The following RPH3A variants were observed in gnomAD, a reference collection of about 807,000 sequenced individuals.
RPH3A encodes the protein rabphilin-3A.
RPH3A carries 48 observed loss-of-function variants against 102.2 expected under a neutral mutation model. That is an observed-to-expected ratio of 0.47 (90% CI 0.37 to 0.60). The LOEUF (loss-of-function observed/expected upper bound fraction) is 0.60. Ranked by LOEUF, RPH3A falls within the 20% of genes least tolerant of loss-of-function variation. RPH3A has a pLI of 0.00. For synonymous variants in RPH3A, 310 were observed against 324.3 expected (o/e 0.96, Z 0.47); for missense variants, 781 against 910.1 (o/e 0.86, Z 1.83).
At chr12:112,776,269 A>G (rs942110853) in intron 1 of RPH3A, among the ~76,000 whole-genome samples, 2 of 152,154 alleles carry the variant, frequency 1.3e-5, no homozygotes, top group Non-Finnish European at 2.9e-5. Context: ...TCAGTTATCT[A>G]TTGCTACAAT....
chr12:112,817,250 C>G (rs907132989), intron 2 of RPH3A, among the ~76,000 whole-genome samples: 17 of 152,116 alleles, frequency 1.1e-4, no homozygotes, highest in Admixed American at 1.1e-3. Context: ...CTTTTTAGCC[C>G]TGTTTCCCCT....
upstream of RPH3A, among the ~76,000 whole-genome samples, chr12:112,789,188 G>C (rs113048523): frequency 6.6e-6 from 1 of 152,218 alleles, no homozygotes; most frequent in East Asian, 1.9e-4. Context: ...TTTATTGAGG[G>C]TTTCCTATGT....
At chr12:112,638,299 C>T (rs1165704454) in intron 1 of RPH3A, among the ~76,000 whole-genome samples, 1 of 152,126 alleles carries the variant, frequency 6.6e-6, no homozygotes, top group African/African-American at 2.4e-5. Flanking sequence ...GCCAAATAGC[C>T]CTTTTTCTTT....
intron 1 of RPH3A, among the ~76,000 whole-genome samples, chr12:112,727,458 G>C (rs201804738): frequency 7.2e-4 from 22 of 30,586 alleles, no homozygotes; most frequent in African/African-American, 4.1e-3. Context: ...CACAGACACA[G>C]ACACACACAC....
rs2136235069 is a variant in RPH3A, at chr12:112,875,159, C to T, written c.872C>T (p.Pro291Leu). 6.2e-7 allele frequency: 1 copy of T among 1,601,982 alleles called. No individual in the cohort carries two copies. Among genetic ancestry groups the T allele is most frequent in the East Asian group, 2.2e-5 (1 of 44,464 alleles). The change falls in exon 11 of 22, where the codon CCT becomes CTT. Residue 291 changes from proline (P) to leucine (L), a missense_variant. Pro to Leu is a moderately conservative substitution (Grantham distance 98). Around this residue, in one of 2 missense-constraint regions of RPH3A, gnomAD observed 730 missense variants for 810.0 expected, o/e 0.90. Transcript: ENST00000389385. ...GTGCAGAGCCCAGCGCCACCTCAGCCTGGGCAGCCAGGTACCTGCCACTCA... is the reference window on the plus strand; with the variant it reads ...GTGCAGAGCCCAGCGCCACCTCAGCTTGGGCAGCCAGGTACCTGCCACTCA... ...GSVQSPAPPQ[P>L]GQPGTPGGSR...
rs112829193 is a variant in RPH3A, at chr12:112,596,419, G to T, written c.-140+21100G>T. 2.6e-3 allele frequency among the ~76,000 whole-genome samples: 401 copies of T among 152,306 alleles called. 2 individuals are homozygous for T. Among genetic ancestry groups the T allele is most frequent in the African/African-American group, 9.1e-3 (377 of 41,556 alleles). On this transcript the variant is annotated intron_variant, in intron 1 of 21. Coordinates refer to the RPH3A transcript ENST00000543106. ...AGGTAGGGAGTCAAAGTTTTGGTTTGTATTAGTATCCACATGGATATCCAA... is the reference window on the plus strand; with the variant it reads ...AGGTAGGGAGTCAAAGTTTTGGTTTTTATTAGTATCCACATGGATATCCAA...
intron 1 of RPH3A, among the ~76,000 whole-genome samples, chr12:112,766,056 T>C (rs947596877): frequency 6.6e-6 from 1 of 152,178 alleles, no homozygotes; most frequent in African/African-American, 2.4e-5. Context: ...CTGCTTGTAT[T>C]TGATCCTTCA....
At chr12:112,649,832 G>A (rs985337170) in intron 1 of RPH3A, among the ~76,000 whole-genome samples, 2 of 152,180 alleles carry the variant, frequency 1.3e-5, no homozygotes, top group African/African-American at 4.8e-5. Flanking sequence ...TTCCCTCCCT[G>A]GCTTGCAGAC....
Position 112,811,997 on chromosome 12 carries a change from G to A in RPH3A, c.-18-16304G>A, listed in dbSNP as rs569045723. 5.0e-4 allele frequency among the ~76,000 whole-genome samples: 75 copies of A among 151,280 alleles called. 1 individual carries two copies. The highest frequency in any genetic ancestry group is 1.8e-3 in the African/African-American group (72 of 41,114). ...GCCTCCCTTTCAGGCAGACTTCTCC[G>A]CCTGGTAGAACCCACCAAGTCCAAG... On this transcript the variant is annotated intron_variant, in intron 2 of 21. Transcript: ENST00000389385.
intron 16 of RPH3A, among the ~76,000 whole-genome samples, chr12:112,887,539 G>A (rs1235934993): frequency 2.0e-5 from 3 of 152,144 alleles, no homozygotes; most frequent in South Asian, 2.1e-4. Context: ...TCTTGACCTG[G>A]GTGGGAATTA....
intron 16 of RPH3A, among the ~76,000 whole-genome samples, chr12:112,885,917 A>G (rs959020200): frequency 6.6e-6 from 1 of 152,140 alleles, no homozygotes; most frequent in Non-Finnish European, 1.5e-5. Context: ...GCCTTATGAT[A>G]TATTTGAGGT....
intron 8 of RPH3A, 31 bp downstream of exon 8, chr12:112,868,626 C>A (rs1205618027): frequency 5.6e-6 from 9 of 1,604,592 alleles, no homozygotes; most frequent in Non-Finnish European, 7.7e-6. Context: ...CTTTCAGGAC[C>A]AAGGACAGAT....
intron 1 of RPH3A, among the ~76,000 whole-genome samples, chr12:112,593,166 T>C (rs1056169018): frequency 3.3e-5 from 5 of 152,228 alleles, no homozygotes; most frequent in Admixed American, 2.0e-4. Context: ...CTCTCTCTGC[T>C]CATGTGAGGA....
intron 1 of RPH3A, among the ~76,000 whole-genome samples, chr12:112,646,276 C>A (rs1000724846): frequency 6.6e-6 from 1 of 152,146 alleles, no homozygotes; most frequent in Non-Finnish European, 1.5e-5. Flanking sequence ...CCAAGACCAA[C>A]GTTCTTCTTA....
chr12:112,825,611 A>G (rs951744186), intron 2 of RPH3A, among the ~76,000 whole-genome samples: 4 of 152,184 alleles, frequency 2.6e-5, no homozygotes, highest in African/African-American at 9.7e-5. Flanking sequence ...GGCTGAGTTG[A>G]GCCGCACTGA....
intron 1 of RPH3A, among the ~76,000 whole-genome samples, chr12:112,733,846 C>T (rs1364153720): frequency 6.6e-6 from 1 of 152,130 alleles, no homozygotes; most frequent in Non-Finnish European, 1.5e-5. Flanking sequence ...CTACCTTTTC[C>T]TCATGTGGTT....
chr12:112,745,877 T>C (rs796928063), intron 1 of RPH3A, among the ~76,000 whole-genome samples: 4 of 152,194 alleles, frequency 2.6e-5, no homozygotes, highest in African/African-American at 9.6e-5. Flanking sequence ...TTCCTGGTGG[T>C]GGTCATTTCT....
At chr12:112,789,973 C>G (rs766745165), upstream of RPH3A, among the ~76,000 whole-genome samples, 1 of 151,652 alleles carries the variant, frequency 6.6e-6, no homozygotes, top group Non-Finnish European at 1.5e-5. Context: ...GTGGGAGGAT[C>G]ACTTAAGCCC....
At chr12:112,797,385 G>A (rs1272326744) in intron 2 of RPH3A, among the ~76,000 whole-genome samples, 1 of 152,152 alleles carries the variant, frequency 6.6e-6, no homozygotes, top group African/African-American at 2.4e-5. Flanking sequence ...AGGCAAAAGA[G>A]GGGCAAAGAA....
Sources: gnomAD v4.1 joint callset for allele counts (sites outside exome capture counted in the v4.1 genomes callset) on GRCh38, gnomAD v4.1.1 for gene constraint, gnomAD v4.1.1 regional missense constraint, MANE v1.5 for transcripts, NCBI Gene and HGNC (gene_info 2026-07-23, HGNC 2026-07-21) for gene names.